The following GPAT3 variants were observed in gnomAD, a reference collection of about 807,000 sequenced individuals.
GPAT3 encodes 1-AGP acyltransferase 9.
Under a neutral mutation model 58.8 loss-of-function variants are expected in GPAT3, and 53 were observed. The ratio of observed to expected loss-of-function variants is 0.90; its 90% CI spans 0.72 to 1.13. The LOEUF (loss-of-function observed/expected upper bound fraction) is 1.13, where lower values mean the gene tolerates loss of function less well. GPAT3 is among the 50% of genes most tolerant of loss of function. The pLI is 0.00. For missense variants in GPAT3, 511 were observed against 527.6 expected (o/e 0.97, Z 0.31); for synonymous variants, 197 against 187.4 (o/e 1.05, Z -0.42).
chr4:83,564,288 C>T (rs1231125382), intron 2 of GPAT3, among the ~76,000 whole-genome samples: 6 of 152,158 alleles, frequency 3.9e-5, no homozygotes, highest in Non-Finnish European at 8.8e-5. Context: ...AACATTTGAA[C>T]ATGTTTTCAT....
In GPAT3 at chr4:83,583,644, G is replaced by T. The variant is rs145291948; in HGVS notation, c.479+1812G>T. On this transcript the variant is annotated intron_variant, in intron 3 of 11. Transcript: ENST00000264409. The stretch of plus-strand genomic sequence containing the variant: ...ATCACGCTACTACACTCCAGCCTGG[G>T]TGACAGAGCGAGACTCTTGTCTGAA... 5.3e-3 allele frequency among the ~76,000 whole-genome samples: 672 copies of T among 125,658 alleles called. 6 individuals are homozygous for T. The highest frequency in any genetic ancestry group is 0.019 in the African/African-American group (609 of 31,884). The allele number at this position is 125,658 out of a possible 152,430, so 82.4% of individuals were successfully genotyped here.
chr4:83,595,022 T>TG, intron 7 of GPAT3, 62 bp downstream of exon 7: 1 of 1,474,954 alleles, frequency 6.8e-7, no homozygotes. Flanking sequence ...ATCTTGGCCT[T>TG]GCTACCAAAG....
intron 5 of GPAT3, among the ~76,000 whole-genome samples, chr4:83,589,275 C>T (rs776663800): frequency 3.9e-5 from 6 of 152,196 alleles, no homozygotes; most frequent in South Asian, 2.1e-4. Context: ...TCTTTCTTCT[C>T]TGTATAGGCC....
rs144986983 is a variant in GPAT3, at chr4:83,541,376, C to A, written c.142-3160C>A. Among the ~76,000 whole-genome samples, 1,402 of 151,038 alleles carry A rather than the reference C, an allele frequency of 9.3e-3. 18 individuals carry two copies. The highest frequency in any genetic ancestry group is 0.024 in the Middle Eastern group (7 of 294). The stretch of plus-strand genomic sequence containing the variant: ...GGGCCCACAGACGTGTACCACCATG[C>A]CCAACTAATTTAAAACCTTTTTTTT... On this transcript the variant is annotated intron_variant, in intron 1 of 11. Coordinates refer to ENST00000264409, the MANE Select transcript of GPAT3 (RefSeq NM_032717.5).
chr4:83,562,775 CAG>C (rs747726211), intron 2 of GPAT3, among the ~76,000 whole-genome samples: 9 of 147,192 alleles, frequency 6.1e-5, no homozygotes, highest in Non-Finnish European at 1.0e-4. Context: ...AAAATGGAAA[CAG>C]AGAGAGATAG....
At chr4:83,552,962 C>T (rs183851628) in intron 2 of GPAT3, among the ~76,000 whole-genome samples, 30 of 152,250 alleles carry the variant, frequency 2.0e-4, no homozygotes, top group Non-Finnish European at 4.1e-4. Flanking sequence ...ATCTGGAAAT[C>T]GGAAAGAGAG....
intron 2 of GPAT3, among the ~76,000 whole-genome samples, chr4:83,567,597 T>A (rs1725447906): frequency 1.3e-5 from 2 of 152,146 alleles, no homozygotes; most frequent in South Asian, 4.1e-4. Flanking sequence ...TTCCTTTATT[T>A]CTCCTTCCCT....
chr4:83,575,078 G>A (rs547846364), intron 2 of GPAT3, among the ~76,000 whole-genome samples: 4 of 151,830 alleles, frequency 2.6e-5, no homozygotes, highest in South Asian at 4.2e-4. Flanking sequence ...GGGTTTCACC[G>A]TGTTAGCCAG....
In GPAT3 at chr4:83,597,449, T is replaced by A. The variant is rs1371299801; in HGVS notation, c.930T>A (p.Thr310=). The A allele has an allele frequency of 3.8e-6, 6 of 1,567,808 alleles. No individual in the cohort carries two copies. Among genetic ancestry groups the A allele is most frequent in the Non-Finnish European group, 5.2e-6 (6 of 1,156,116 alleles). Residue 310 remains threonine, a synonymous_variant, in exon 9 of 12, where the codon ACT becomes ACA. Coordinates refer to ENST00000264409, the MANE Select transcript of GPAT3 (RefSeq NM_032717.5). ...IFPEGTCINN[T]SVMMFKKGSF... ...TTGCAGGAACTTGCATCAACAATACTTCAGTCATGATGTTTAAAAAGGGGA... is the reference window on the plus strand; with the variant it reads ...TTGCAGGAACTTGCATCAACAATACATCAGTCATGATGTTTAAAAAGGGGA...
intron 3 of GPAT3, among the ~76,000 whole-genome samples, chr4:83,586,027 G>A (rs1263432985): frequency 6.6e-6 from 1 of 152,158 alleles, no homozygotes; most frequent in Non-Finnish European, 1.5e-5. Flanking sequence ...AACTTTGGGT[G>A]AGTTAGTTAG....
chr4:83,576,162 C>A (rs1231429977), intron 2 of GPAT3, among the ~76,000 whole-genome samples: 4 of 152,134 alleles, frequency 2.6e-5, no homozygotes, highest in Non-Finnish European at 4.4e-5. Flanking sequence ...AGTACATGTT[C>A]TAGCTAATTT....
chr4:83,604,589 G>A (rs2110114506), intron 11 of GPAT3, 79 bp from the exon 12 acceptor site: 1 of 1,122,158 alleles, frequency 8.9e-7, no homozygotes, highest in South Asian at 1.5e-5. Context: ...ATGGTATCAT[G>A]CAGCATGTAA....
upstream of GPAT3, chr4:83,535,871 T>A: frequency 1.0e-6 from 1 of 985,446 alleles, no homozygotes; most frequent in Non-Finnish European, 1.2e-6. Flanking sequence ...CCCAGATACG[T>A]CAGCAGTTCA....
At chr4:83,585,611 G>A (rs189241236) in intron 3 of GPAT3, among the ~76,000 whole-genome samples, 1 of 144,748 alleles carries the variant, frequency 6.9e-6, no homozygotes, top group African/African-American at 2.5e-5. Context: ...CTTTTACGCT[G>A]TTTCTTTTTT....
In GPAT3 at chr4:83,594,902, T is replaced by C. The variant is rs756013259; in HGVS notation, c.796T>C (p.Cys266Arg). 3.7e-6 allele frequency: 6 copies of C among 1,613,904 alleles called. No homozygotes were observed. The Admixed American group carries it at 6.7e-5, about 18-fold the overall frequency. ...TATTCAGAGAGCTATGGTCAAGGCT[T>C]GTCCTCATGTCTGGTTTGAACGCTC... ...GIIQRAMVKA[C>R]PHVWFERSEM... The change falls in exon 7 of 12, where the codon TGT becomes CGT. Residue 266 changes from cysteine (C) to arginine (R), a missense_variant. By Grantham distance (180) the Cys-to-Arg change is radical. Coordinates refer to ENST00000264409, the MANE Select transcript of GPAT3 (RefSeq NM_032717.5).
intron 2 of GPAT3, among the ~76,000 whole-genome samples, chr4:83,560,528 G>A (rs1382107873): frequency 2.0e-5 from 3 of 152,164 alleles, no homozygotes; most frequent in Non-Finnish European, 2.9e-5. Flanking sequence ...AGGGGATACT[G>A]AGGACAGATT....
At chr4:83,585,295 TATA>T (rs1726336000) in intron 3 of GPAT3, among the ~76,000 whole-genome samples, 1 of 150,218 alleles carries the variant, frequency 6.7e-6, no homozygotes, top group Admixed American at 6.7e-5. Context: ...ATTTATTAGT[TATA>T]GTAATATATC....
At chr4:83,556,596 T>G (rs1031315192) in intron 2 of GPAT3, among the ~76,000 whole-genome samples, 1 of 151,848 alleles carries the variant, frequency 6.6e-6, no homozygotes, top group African/African-American at 2.4e-5. Context: ...AATTGATTAG[T>G]GTCCTCAGCT....
At chr4:83,553,381 A>G (rs1724825511) in intron 2 of GPAT3, among the ~76,000 whole-genome samples, 1 of 152,204 alleles carries the variant, frequency 6.6e-6, no homozygotes, top group Non-Finnish European at 1.5e-5. Context: ...GAATAGTAGT[A>G]ACAACGTGGA....
Sources: allele counts gnomAD v4.1 joint callset (sites outside exome capture counted in the v4.1 genomes callset), GRCh38; gene constraint gnomAD v4.1.1; transcripts MANE v1.5; gene names NCBI Gene and HGNC (gene_info 2026-07-23, HGNC 2026-07-21).